SMARCD1: variants seen among roughly 807,000 people sequenced by gnomAD.
SMARCD1 encodes SWI/SNF related BAF chromatin remodeling complex subunit D1.
SMARCD1 carries 16 observed loss-of-function variants against 70.8 expected under a neutral mutation model. That is an observed-to-expected ratio of 0.23 (90% CI 0.15 to 0.34). The LOEUF is 0.34. Ranked by LOEUF, SMARCD1 falls within the 10% of genes least tolerant of loss-of-function variation. The pLI, the probability that SMARCD1 is intolerant of heterozygous loss-of-function variation, is 1.00. For missense variants in SMARCD1, 409 were observed against 655.5 expected (o/e 0.62, Z 4.11); for synonymous variants, 249 against 246.0 (o/e 1.01, Z -0.11).
In SMARCD1 at chr12:50,086,759, C is replaced by T. The variant is rs559383300; in HGVS notation, c.412C>T (p.Arg138Cys). The change falls in exon 4 of 13, where the codon CGT (arginine) becomes TGT (cysteine). Residue 138 changes from arginine to cysteine, a missense_variant. Around this residue, in one of 2 missense-constraint regions of SMARCD1, gnomAD observed 269 missense variants for 498.6 expected, o/e 0.54. Coordinates refer to ENST00000394963, the MANE Select transcript of SMARCD1 (RefSeq NM_003076.5). ...MADKILPQRIRELVPESQAYM... is the reference protein window; with the variant it reads ...MADKILPQRICELVPESQAYM... ...AATTAATTTTTCTGTTCCTAAGATT[C>T]GTGAACTGGTACCAGAATCCCAGGC... is the stretch of plus-strand genomic sequence containing the variant. 3 of 1,614,052 alleles carry T rather than the reference C, an allele frequency of 1.9e-6. No individual in the cohort carries two copies. Among genetic ancestry groups the T allele is most frequent in the East Asian group, 2.2e-5 (1 of 44,884 alleles).
chr12:50,092,190 TATTA>T (rs1052314224), intron 9 of SMARCD1, among the ~76,000 whole-genome samples: 2 of 151,780 alleles, frequency 1.3e-5, no homozygotes, highest in Admixed American at 6.6e-5. Context: ...CTTTATTCCA[TATTA>T]ATTCTGGTAA....
chr12:50,092,148 T>C (rs927866338), intron 9 of SMARCD1, among the ~76,000 whole-genome samples: 1 of 152,138 alleles, frequency 6.6e-6, no homozygotes, highest in Admixed American at 6.5e-5. Flanking sequence ...AGCGTGTCTC[T>C]GTAGTTGGAT....
Position 50,085,462 on chromosome 12 carries a change from C to A in SMARCD1, c.93C>A (p.Gly31=), listed in dbSNP as rs1950777721. 8.1e-7 allele frequency: 1 copy of A among 1,238,986 alleles called. No individual in the cohort carries two copies. The highest frequency in any genetic ancestry group is 1.5e-5 in the African/African-American group (1 of 64,554). 76.7% of individuals were successfully genotyped at this position (1,238,986 alleles called of 1,614,324 possible). A position where few individuals can be genotyped will look rare whatever the true frequency, so the allele number is the denominator to read the frequency against. ...GAGAAAALGP[G]GTPGPPVRMG... is the part of the protein sequence containing the mutation. The stretch of plus-strand genomic sequence containing the variant: ...GCGCGGCTGCTGCCTTGGGCCCGGG[C>A]GGAACTCCGGGGCCTCCTGTGCGAA... Residue 31 remains glycine, a synonymous_variant, in exon 1 of 13, where the codon GGC becomes GGA. Coordinates refer to ENST00000394963, the MANE Select transcript of SMARCD1 (RefSeq NM_003076.5).
Position 50,087,394 on chromosome 12 carries a change from ACACTTT to A in SMARCD1, c.566_571del (p.Thr189_Phe190del). 1 of 1,614,120 alleles carries A rather than the reference ACACTTT, an allele frequency of 6.2e-7. No homozygotes were observed. Among genetic ancestry groups the A allele is most frequent in the Non-Finnish European group, 8.5e-7 (1 of 1,179,982 alleles). On this transcript the variant is annotated inframe_deletion, in exon 5 of 13. Coordinates refer to ENST00000394963, the MANE Select transcript of SMARCD1 (RefSeq NM_003076.5). ...CGGAAGCTGCGAATTTTCATTTCTA[ACACTTT>A]CAATCCGGCTAAGTCAGATGCCGAG... is the stretch of plus-strand genomic sequence containing the variant.
In SMARCD1 at chr12:50,096,933, C is replaced by T; in HGVS notation, c.1353C>T (p.Phe451=). ...MLSFARDPQG[F]INDWLQSQCR... is the part of the protein sequence containing the mutation. ...GCTTTGCCAGAGACCCTCAGGGTTT[C>T]ATCAATGACTGGCTTCAGTCCCAGT... The change falls in exon 11 of 13, where the codon TTC becomes TTT. Residue 451 remains phenylalanine, a synonymous_variant. Coordinates refer to ENST00000394963, the MANE Select transcript of SMARCD1 (RefSeq NM_003076.5). 6.2e-7 allele frequency: 1 copy of T among 1,614,096 alleles called. No homozygotes were observed. Among genetic ancestry groups the T allele is most frequent in the African/African-American group, 1.3e-5 (1 of 75,066 alleles).
chr12:50,085,603 G>A (rs1212720422), intron 1 of SMARCD1, 57 bp downstream of exon 1: 78 of 1,195,862 alleles, frequency 6.5e-5, no homozygotes, highest in Non-Finnish European at 7.7e-5. Flanking sequence ...GCGGGGACAT[G>A]GGAGTGACAG....
At position 50,099,394 on chromosome 12, in the gene SMARCD1, C is replaced by A; in HGVS notation, c.*394C>A. 1 of 457,576 alleles carries A rather than the reference C, an allele frequency of 2.2e-6. No individual in the cohort carries two copies. Among genetic ancestry groups the A allele is most frequent in the South Asian group, 6.3e-5 (1 of 15,960 alleles). The allele number at this position is 457,576 out of a possible 1,614,324, so 28.3% of individuals were successfully genotyped here. On this transcript the variant is annotated 3_prime_UTR_variant, in exon 13 of 13. Coordinates refer to ENST00000394963, the MANE Select transcript of SMARCD1 (RefSeq NM_003076.5). ...ACCCAGGAGTTGGGAGCTTTCGCTC[C>A]TTCTCCAAGACTCAGGCCTGTGGGC... is the stretch of plus-strand genomic sequence containing the variant.
chr12:50,090,093 A>C, intron 7 of SMARCD1, 108 bp downstream of exon 7: 2 of 1,298,056 alleles, frequency 1.5e-6, no homozygotes, highest in South Asian at 1.3e-5. Flanking sequence ...ACTTTGGCAC[A>C]GAGATAGAGT....
At chr12:50,090,108 G>C in intron 7 of SMARCD1, 123 bp downstream of exon 7, 1 of 1,274,064 alleles carries the variant, frequency 7.8e-7, no homozygotes, top group East Asian at 2.3e-5. Context: ...TAGAGTCTTA[G>C]TCATCTCTGA....
chr12:50,095,618 C>T (rs1015769574), intron 10 of SMARCD1, among the ~76,000 whole-genome samples: 4 of 152,178 alleles, frequency 2.6e-5, no homozygotes, highest in African/African-American at 9.7e-5. Flanking sequence ...TGAGCCACCG[C>T]GCCCGGCCCC....
chr12:50,088,274 T>C, intron 5 of SMARCD1: 1 of 702,682 alleles, frequency 1.4e-6, no homozygotes. Flanking sequence ...CTCATTTCCC[T>C]TGGGCAAATG....
chr12:50,093,547 A>G (rs1400473709), intron 9 of SMARCD1, among the ~76,000 whole-genome samples: 2 of 151,976 alleles, frequency 1.3e-5, no homozygotes, highest in African/African-American at 4.8e-5. Context: ...GCAGTGGTGT[A>G]ATCATGGCTC....
At position 50,090,821 on chromosome 12, in the gene SMARCD1, C is replaced by CTTTTTTTTTTTTTTTTTTTTTT. The variant is rs11443542; in HGVS notation, c.1133+251_1133+252insTTTTTTTTTTTTTTTTTTTTTT. Reference sequence around the variant, plus strand: ...ATTATTACATTTTATTGTATTTGTGCTTTTTTTTTTTTTTTTTTTTGGAGA... The same window carrying CTTTTTTTTTTTTTTTTTTTTTT: ...ATTATTACATTTTATTGTATTTGTGCTTTTTTTTTTTTTTTTTTTTTTTTTTTTTTTTTTTTTTTTTTGGAGA... On this transcript the variant is annotated intron_variant, in intron 9 of 12. Transcript: ENST00000394963. 2.0e-5 allele frequency among the ~76,000 whole-genome samples: 2 copies of CTTTTTTTTTTTTTTTTTTTTTT among 102,438 alleles called. 1 individual carries two copies. The highest frequency in any genetic ancestry group is 3.6e-5 in the Non-Finnish European group (2 of 55,348). 67.2% of individuals were successfully genotyped at this position (102,438 alleles called of 152,430 possible).
At chr12:50,087,891 G>A (rs1246486059) in intron 5 of SMARCD1, among the ~76,000 whole-genome samples, 1 of 152,022 alleles carries the variant, frequency 6.6e-6, no homozygotes, top group African/African-American at 2.4e-5. Context: ...GTTTAAGTAG[G>A]ATAGATTTCT....
chr12:50,099,639 T>A lies in SMARCD1; in HGVS notation c.*639T>A. 3.6e-6 allele frequency: 1 copy of A among 280,290 alleles called. No individual in the cohort carries two copies. The highest frequency in any genetic ancestry group is 5.9e-5 in the East Asian group (1 of 17,078). The allele number at this position is 280,290 out of a possible 1,614,324, so 17.4% of individuals were successfully genotyped here. A position where few individuals can be genotyped will look rare whatever the true frequency, so the allele number is the denominator to read the frequency against. On this transcript the variant is annotated 3_prime_UTR_variant, in exon 13 of 13. Coordinates refer to ENST00000394963, the MANE Select transcript of SMARCD1 (RefSeq NM_003076.5). ...TCCTTAGTTGGGGTCCACATCAGTA[T>A]TGGAGTTTTGTTCTTTATTGCTCCC...
At chr12:50,086,708 GTA>G (rs928344190) in intron 3 of SMARCD1, 45 bp downstream of exon 3, 13 of 1,613,896 alleles carry the variant, frequency 8.1e-6, no homozygotes, top group Non-Finnish European at 1.1e-5. Flanking sequence ...GTGAGTTTGA[GTA>G]TAGAGATGAT....
intron 12 of SMARCD1, 24 bp downstream of exon 12, chr12:50,098,839 G>A (rs1290531813): frequency 6.2e-7 from 1 of 1,609,536 alleles, no homozygotes; most frequent in African/African-American, 1.3e-5. Context: ...GTGCACGGGG[G>A]AAATTGACAA....
intron 7 of SMARCD1, 44 bp downstream of exon 7, chr12:50,090,029 T>C (rs1430966375): frequency 6.7e-7 from 1 of 1,498,452 alleles, no homozygotes; most frequent in South Asian, 1.1e-5. Context: ...CACAGCCACA[T>C]ACCGTCAGCA....
At chr12:50,086,479 T>TAGGTGGTGGTAGTGGTGGTGG in intron 2 of SMARCD1, 131 bp downstream of exon 2, 1 of 780,056 alleles carries the variant, frequency 1.3e-6, no homozygotes, top group Non-Finnish European at 2.0e-6. Flanking sequence ...TTGAGAATGC[T>TAGGTGGTGGTAGTGGTGGTGG]TGGTGGTGGT....
Sources: gnomAD v4.1 joint callset for allele counts (sites outside exome capture counted in the v4.1 genomes callset) on GRCh38, gnomAD v4.1.1 for gene constraint, gnomAD v4.1.1 regional missense constraint, MANE v1.5 for transcripts, NCBI Gene and HGNC (gene_info 2026-07-23, HGNC 2026-07-21) for gene names.